Variants in WDR59 observed in about 807,000 individuals in gnomAD.
WDR59 encodes the protein GATOR2 complex protein WDR59.
In WDR59, 100 loss-of-function variants were observed where a neutral mutation model predicts 131.2. The ratio of observed to expected loss-of-function variants is 0.76; its 90% CI spans 0.65 to 0.90. The LOEUF (loss-of-function observed/expected upper bound fraction) is 0.90, where lower values mean the gene tolerates loss of function less well. Among genes scored for constraint, WDR59 ranks in the 40% least tolerant of loss-of-function variants. The pLI is 0.00. For missense variants in WDR59, 1,203 were observed against 1,262.2 expected, an observed-to-expected ratio of 0.95 and a Z score of 0.71; for synonymous variants, 601 against 466.2, an observed-to-expected ratio of 1.29 and a Z score of -3.72.
intron 1 of WDR59, among the ~76,000 whole-genome samples, chr16:74,980,271 G>A (rs2034349051): frequency 6.6e-6 from 1 of 150,982 alleles, no homozygotes; most frequent in Non-Finnish European, 1.5e-5. Context: ...CCAAAGCATT[G>A]TTTCATAAAA....
In WDR59 at chr16:74,872,976, C is replaced by T. The variant is rs1964038324; in HGVS notation, c.*1233G>A. ...CCAGGCTGGAGTGCAATGGCATAAT[C>T]TCAGCTCGCTGCAACCTCTGCTTCC... On this transcript the variant is annotated 3_prime_UTR_variant, in exon 26 of 26. Coordinates refer to ENST00000262144, the MANE Select transcript of WDR59 (RefSeq NM_030581.4). The T allele has an allele frequency of 6.6e-6, 1 of 152,000 alleles. No individual in the cohort carries two copies. Among genetic ancestry groups the T allele is most frequent in the Non-Finnish European group, 1.5e-5 (1 of 68,016 alleles). 9.4% of individuals were successfully genotyped at this position (152,000 alleles called of 1,614,324 possible). A position where few individuals can be genotyped will look rare whatever the true frequency, so the allele number is the denominator to read the frequency against.
At chr16:74,886,244 C>T in intron 24 of WDR59, 26 bp downstream of exon 24, 1 of 1,593,104 alleles carries the variant, frequency 6.3e-7, no homozygotes, top group Non-Finnish European at 8.6e-7. Context: ...CCTGGCATTG[C>T]AGCTCTCACC....
chr16:74,907,547 T>G (rs959150035), intron 17 of WDR59, among the ~76,000 whole-genome samples: 1 of 152,224 alleles, frequency 6.6e-6, no homozygotes, highest in Non-Finnish European at 1.5e-5. Context: ...CATGTGGAAT[T>G]GTGAGTCAAC....
intron 25 of WDR59, among the ~76,000 whole-genome samples, chr16:74,875,203 C>T (rs1013435175): frequency 5.3e-5 from 8 of 152,236 alleles, no homozygotes; most frequent in African/African-American, 1.4e-4. Context: ...GCCGCTCCAC[C>T]GCCGGGCGGG....
chr16:74,921,406 C>A (rs978988125), intron 10 of WDR59, among the ~76,000 whole-genome samples: 1 of 152,216 alleles, frequency 6.6e-6, no homozygotes, highest in Admixed American at 6.5e-5. Flanking sequence ...ACATGGGTAA[C>A]TAACAATGGG....
At chr16:74,927,758 G>C (rs1161961417) in intron 8 of WDR59, among the ~76,000 whole-genome samples, 1 of 150,310 alleles carries the variant, frequency 6.7e-6, no homozygotes, top group Non-Finnish European at 1.5e-5. Flanking sequence ...GGACACACTT[G>C]GTGGCAGCAA....
At chr16:74,979,562 T>C (rs951110752) in intron 1 of WDR59, among the ~76,000 whole-genome samples, 3 of 151,440 alleles carry the variant, frequency 2.0e-5, no homozygotes, top group Admixed American at 6.6e-5. Flanking sequence ...TTTTTTCAGA[T>C]GGAGTCTCGC....
intron 2 of WDR59, among the ~76,000 whole-genome samples, chr16:74,963,927 A>AAG (rs931155040): frequency 4.6e-5 from 7 of 150,704 alleles, no homozygotes; most frequent in African/African-American, 1.7e-4. Flanking sequence ...AAAAGGGAGA[A>AAG]AGAGAGAGAG....
At chr16:74,931,885 A>G (rs570809280) in intron 8 of WDR59, among the ~76,000 whole-genome samples, 23 of 152,064 alleles carry the variant, frequency 1.5e-4, no homozygotes, top group Non-Finnish European at 1.0e-4. Context: ...AAAAAAAAAG[A>G]ACAACTTAGC....
intron 1 of WDR59, among the ~76,000 whole-genome samples, chr16:74,970,459 C>T (rs2033934110): frequency 7.2e-6 from 1 of 138,408 alleles, no homozygotes; most frequent in Non-Finnish European, 1.5e-5. Context: ...TGCGCCACTG[C>T]ACTCCAGCCT....
chr16:74,873,976 G>T lies in WDR59; in HGVS notation c.*233C>A. On this transcript the variant is annotated 3_prime_UTR_variant, in exon 26 of 26. Coordinates refer to ENST00000262144, the MANE Select transcript of WDR59 (RefSeq NM_030581.4). ...TCAGCCGACATAGACAACACACAAAGCGCAGCTCTGCACTTCTGTCCTTAT... is the reference window on the plus strand; with the variant it reads ...TCAGCCGACATAGACAACACACAAATCGCAGCTCTGCACTTCTGTCCTTAT... The T allele has an allele frequency of 1.9e-6, 1 of 534,098 alleles. No individual in the cohort carries two copies. Among genetic ancestry groups the T allele is most frequent in the Non-Finnish European group, 3.4e-6 (1 of 297,768 alleles). The allele number at this position is 534,098 out of a possible 1,614,324, so 33.1% of individuals were successfully genotyped here.
At chr16:74,922,469 C>T (rs1021458891) in intron 9 of WDR59, among the ~76,000 whole-genome samples, 3 of 152,220 alleles carry the variant, frequency 2.0e-5, no homozygotes, top group African/African-American at 7.2e-5. Flanking sequence ...AATGAGCATG[C>T]AGGGCTGACA....
rs1401122347 is a variant in WDR59 at position 74,899,859 on chromosome 16, T to C, written c.1866+4088A>G. ...GAAAGCTTCCCACACATCCGATGGA[T>C]TCCAATGTACCATAATACACTGTAC... is the stretch of plus-strand genomic sequence containing the variant. On this transcript the variant is annotated intron_variant, in intron 18 of 25. Coordinates refer to ENST00000262144, the MANE Select transcript of WDR59 (RefSeq NM_030581.4). 4.8e-6 allele frequency: 4 copies of C among 837,640 alleles called. No homozygotes were observed. In the East Asian group the frequency reaches 2.5e-4, roughly 52 times the overall value. The allele number at this position is 837,640 out of a possible 1,614,324, so 51.9% of individuals were successfully genotyped here.
chr16:74,945,695 T>C (rs2032576333), intron 6 of WDR59, among the ~76,000 whole-genome samples: 1 of 152,002 alleles, frequency 6.6e-6, no homozygotes, highest in African/African-American at 2.4e-5. Context: ...GATTCATCTA[T>C]CCATGCAACA....
In WDR59 at chr16:74,916,200, C is replaced by G; in HGVS notation, c.1026G>C (p.Leu342=). 1 of 1,614,006 alleles carries G rather than the reference C, an allele frequency of 6.2e-7. No homozygotes were observed. The highest frequency in any genetic ancestry group is 8.5e-7 in the Non-Finnish European group (1 of 1,179,928). Residue 342 remains leucine (L), a synonymous_variant, in exon 12 of 26, where the codon CTG becomes CTC. Transcript: ENST00000262144. ...TGTGCAGGGTCTTCTCAGGTTCCGG[C>G]AGAAGGGAAATACTCTCAATGAACT... ...VDEFIESISL[L]PEPEKTLHTE...
At chr16:74,962,055 C>T (rs1391055528) in intron 2 of WDR59, among the ~76,000 whole-genome samples, 1 of 152,046 alleles carries the variant, frequency 6.6e-6, no homozygotes, top group Admixed American at 6.6e-5. Flanking sequence ...GAATCCTTTC[C>T]CCATTGATTG....
Position 74,874,270 on chromosome 16 carries a change from C to T in WDR59, c.2864G>A (p.Arg955Gln), listed in dbSNP as rs201697023. ...GHTSHMMEWF[R>Q]TQEVCPTGCG... is the part of the protein sequence containing the mutation. ...CCCGGTGGGACACACCTCCTGGGTC[C>T]GAAACCACTCCATCATGTGGCTGGT... The change falls in exon 26 of 26, where the codon CGG becomes CAG. Residue 955 changes from arginine (R) to glutamine (Q), a missense_variant. By Grantham distance (43) the Arg-to-Gln change is conservative (BLOSUM62 1). Coordinates refer to ENST00000262144, the MANE Select transcript of WDR59 (RefSeq NM_030581.4). 199 of 1,614,180 alleles carry T rather than the reference C, an allele frequency of 1.2e-4. No homozygotes were observed. The East Asian group carries it at 3.5e-3, about 28-fold the overall frequency.
In WDR59 at chr16:74,918,379, G is replaced by A. The variant is rs184352630; in HGVS notation, c.887-371C>T. 1.8e-4 allele frequency among the ~76,000 whole-genome samples: 28 copies of A among 152,320 alleles called. No homozygotes were observed. The East Asian group carries it at 3.1e-3, about 17-fold the overall frequency. On this transcript the variant is annotated intron_variant, in intron 10 of 25. Transcript: ENST00000262144. Reference sequence around the variant, plus strand: ...ACTGGCAAATTAGCAGGTAAAGAGCGATGCTGGGATTTAATGTCACACTAA... The same window carrying A: ...ACTGGCAAATTAGCAGGTAAAGAGCAATGCTGGGATTTAATGTCACACTAA...
At chr16:74,892,701 G>A in intron 19 of WDR59, 136 bp from the exon 20 acceptor site, 2 of 693,214 alleles carry the variant, frequency 2.9e-6, no homozygotes, top group Non-Finnish European at 4.7e-6. Context: ...TTGGCCTTGG[G>A]CCCCCTTTCT....
Sources: gnomAD v4.1 joint callset for allele counts (sites outside exome capture counted in the v4.1 genomes callset) on GRCh38, gnomAD v4.1.1 for gene constraint, MANE v1.5 for transcripts, NCBI Gene and HGNC (gene_info 2026-07-23, HGNC 2026-07-21) for gene names.